Variants in MAPK10 observed in about 807,000 individuals in gnomAD.
MAPK10 encodes mitogen-activated protein kinase 10.
MAPK10 carries 25 observed loss-of-function variants against 59.3 expected under a neutral mutation model. The ratio of observed to expected loss-of-function variants is 0.42; its 90% CI spans 0.31 to 0.59. The LOEUF is 0.59. Ranked by LOEUF, MAPK10 falls within the 20% of genes least tolerant of loss-of-function variation. MAPK10 has a pLI of 0.15. For synonymous variants in MAPK10, 190 were observed against 200.5 expected, an observed-to-expected ratio of 0.95 and a Z score of 0.44; for missense variants, 351 against 568.9, an observed-to-expected ratio of 0.62 and a Z score of 3.90.
At chr4:86,586,269 T>C (rs185680836) in intron 1 of MAPK10, among the ~76,000 whole-genome samples, 4 of 152,234 alleles carry the variant, frequency 2.6e-5, no homozygotes, top group Admixed American at 6.5e-5. Context: ...CTAGTAAAAA[T>C]TGTGAATTAG....
At chr4:86,357,968 A>G (rs796257378) in intron 1 of MAPK10, 17 of 440,994 alleles carry the variant, frequency 3.9e-5, no homozygotes, top group African/African-American at 2.8e-4. Context: ...CTGATTTTCT[A>G]GTCCCATTGT....
intron 1 of MAPK10, among the ~76,000 whole-genome samples, chr4:86,552,323 A>C: frequency 6.6e-6 from 1 of 151,836 alleles, no homozygotes; most frequent in Non-Finnish European, 1.5e-5. Context: ...CAGGAGGCTA[A>C]GGTGGGAGGA....
At chr4:86,062,116 T>C (rs928809690) in intron 11 of MAPK10, among the ~76,000 whole-genome samples, 2 of 152,158 alleles carry the variant, frequency 1.3e-5, no homozygotes, top group Non-Finnish European at 2.9e-5. Flanking sequence ...AATAAATTGT[T>C]CTTGCCCTGG....
intron 2 of MAPK10, among the ~76,000 whole-genome samples, chr4:86,236,542 T>G (rs2092249576): frequency 6.6e-6 from 1 of 152,088 alleles, no homozygotes; most frequent in South Asian, 2.1e-4. Context: ...CACAGAAGGG[T>G]CTTAAGAAGA....
At chr4:86,096,221 T>C (rs989423903) in intron 9 of MAPK10, among the ~76,000 whole-genome samples, 5 of 151,768 alleles carry the variant, frequency 3.3e-5, no homozygotes, top group Non-Finnish European at 5.9e-5. Context: ...AAATGTTATG[T>C]ATTAATTTTC....
chr4:86,377,965 C>T (rs1740078605), intron 1 of MAPK10, among the ~76,000 whole-genome samples: 1 of 151,996 alleles, frequency 6.6e-6, no homozygotes. Context: ...TTGTGCCCAC[C>T]CAGATTAAGG....
chr4:86,341,864 T>C (rs552149192), intron 2 of MAPK10, among the ~76,000 whole-genome samples: 8 of 149,790 alleles, frequency 5.3e-5, no homozygotes, highest in Middle Eastern at 3.5e-3. Context: ...CCTAATGCTA[T>C]GAGCTTTACC....
intron 10 of MAPK10, 127 bp downstream of exon 10, chr4:86,067,646 G>T: frequency 2.6e-6 from 2 of 781,632 alleles, no homozygotes; most frequent in Non-Finnish European, 3.9e-6. Flanking sequence ...CCACAAAAAT[G>T]TACGATTATC....
At chr4:86,407,069 C>T (rs989821803) in intron 1 of MAPK10, among the ~76,000 whole-genome samples, 2 of 152,096 alleles carry the variant, frequency 1.3e-5, no homozygotes, top group African/African-American at 4.8e-5. Flanking sequence ...GATTCTCTAG[C>T]TCAGAACACA....
intron 3 of MAPK10, among the ~76,000 whole-genome samples, chr4:86,169,074 C>T (rs1440853792): frequency 1.3e-5 from 2 of 152,006 alleles, no homozygotes; most frequent in Non-Finnish European, 2.9e-5. Context: ...ACATCACCAT[C>T]ATCAAAGACC....
At chr4:86,101,816 C>G in intron 7 of MAPK10, 78 bp downstream of exon 7, 1 of 1,454,838 alleles carries the variant, frequency 6.9e-7, no homozygotes, top group Non-Finnish European at 9.5e-7. Flanking sequence ...ACCAATGCCC[C>G]CCGTATAAAG....
chr4:86,300,659 G>C (rs1422260493), intron 2 of MAPK10: 1 of 152,114 alleles, frequency 6.6e-6, no homozygotes, highest in African/African-American at 2.4e-5. Context: ...TATATTTGTA[G>C]AGCATTCCTT....
intron 4 of MAPK10, among the ~76,000 whole-genome samples, chr4:86,145,072 A>G (rs2064580573): frequency 6.6e-6 from 1 of 152,228 alleles, no homozygotes; most frequent in African/African-American, 2.4e-5. Context: ...AATACAACGA[A>G]GCAGAAAAGT....
chr4:86,016,115 C>T lies in MAPK10; in HGVS notation c.*1113G>A, dbSNP rs1743208345. ...TGAAGGAATTCACATGGAGGCAATTCTGCTCAGTTCCAGAGAGAGATTCTT... is the reference window on the plus strand; with the variant it reads ...TGAAGGAATTCACATGGAGGCAATTTTGCTCAGTTCCAGAGAGAGATTCTT... On this transcript the variant is annotated 3_prime_UTR_variant, in exon 14 of 14. Transcript: ENST00000641462. 6.6e-6 allele frequency: 1 copy of T among 152,178 alleles called. No homozygotes were observed. The highest frequency in any genetic ancestry group is 1.5e-5 in the Non-Finnish European group (1 of 68,038). 9.4% of individuals were successfully genotyped at this position (152,178 alleles called of 1,614,324 possible). A position where few individuals can be genotyped will look rare whatever the true frequency, so the allele number is the denominator to read the frequency against.
At chr4:86,259,354 C>G (rs746707945) in intron 2 of MAPK10, among the ~76,000 whole-genome samples, 69 of 152,198 alleles carry the variant, frequency 4.5e-4, no homozygotes, top group Non-Finnish European at 8.7e-4. Context: ...ACAGACAACA[C>G]AAACACAAAA....
chr4:86,043,913 G>A (rs1195366367), intron 11 of MAPK10, among the ~76,000 whole-genome samples: 1 of 152,176 alleles, frequency 6.6e-6, no homozygotes, highest in South Asian at 2.1e-4. Context: ...AAATCTATGA[G>A]TTAGTAGCAG....
intron 1 of MAPK10, among the ~76,000 whole-genome samples, chr4:86,445,053 G>A (rs1257479627): frequency 6.6e-6 from 1 of 152,132 alleles, no homozygotes; most frequent in Non-Finnish European, 1.5e-5. Context: ...ATTTGACCCA[G>A]CAATCTGATT....
chr4:86,120,170 A>G (rs182397338), intron 4 of MAPK10: 1 of 152,330 alleles, frequency 6.6e-6, no homozygotes, highest in East Asian at 1.9e-4. Flanking sequence ...ACATGGCTAG[A>G]CTACGAGCTC....
chr4:86,035,370 C>CAAAAAA (rs70948779), intron 11 of MAPK10, among the ~76,000 whole-genome samples: 9 of 37,868 alleles, frequency 2.4e-4, no homozygotes, highest in East Asian at 1.0e-3. Context: ...GACTCTGTCT[C>CAAAAAA]AAAAAAAAAA....
Sources: gnomAD v4.1 joint callset for allele counts (sites outside exome capture counted in the v4.1 genomes callset) on GRCh38, gnomAD v4.1.1 for gene constraint, MANE v1.5 for transcripts, NCBI Gene and HGNC (gene_info 2026-07-23, HGNC 2026-07-21) for gene names.